Variants in POLA1 observed in about 807,000 individuals in gnomAD.
POLA1 encodes the protein DNA polymerase alpha 1, catalytic subunit, also known as DNA polymerase alpha catalytic subunit.
Under a neutral mutation model 124.0 loss-of-function variants are expected in POLA1, and 15 were observed. The observed-to-expected ratio is 0.12, with a 90% CI of 0.08 to 0.19. POLA1 has a LOEUF of 0.19. Ranked by LOEUF, POLA1 falls within the 10% of genes least tolerant of loss-of-function variation. The probability of loss-of-function intolerance (pLI) is 1.00; values close to 1 mark genes in which losing one functional copy is unlikely to be tolerated. For missense variants in POLA1, 886 were observed against 1,103.4 expected (o/e 0.80, Z 2.79); for synonymous variants, 408 against 389.4 (o/e 1.05, Z -0.56).
At chrX:24,933,187 A>G (rs1402047260) in intron 36 of POLA1, among the ~76,000 whole-genome samples, 1 of 112,070 alleles carries the variant, frequency 8.9e-6, no homozygotes, top group Non-Finnish European at 1.9e-5. Context: ...GTTTCTAAAT[A>G]AAAGACAATT....
chrX:24,969,002 T>C (rs946702376), intron 36 of POLA1, among the ~76,000 whole-genome samples: 1 of 109,962 alleles, frequency 9.1e-6, no homozygotes, highest in Non-Finnish European at 1.9e-5. Context: ...AGGTCAGGAG[T>C]TCTAGACCAG....
chrX:24,911,000 T>C (rs2047441150), intron 35 of POLA1, among the ~76,000 whole-genome samples: 1 of 112,156 alleles, frequency 8.9e-6, no homozygotes, highest in Admixed American at 9.5e-5. Flanking sequence ...TTAATGAATT[T>C]TAAAAAATTG....
intron 4 of POLA1, among the ~76,000 whole-genome samples, chrX:24,709,166 G>A (rs1343216857): frequency 5.3e-5 from 4 of 75,644 alleles, no homozygotes; most frequent in African/African-American, 1.5e-4. Context: ...CTCACCTCCC[G>A]GACGGGGCGG....
At chrX:24,796,381 G>A (rs2045605876) in intron 26 of POLA1, among the ~76,000 whole-genome samples, 1 of 111,475 alleles carries the variant, frequency 9.0e-6, no homozygotes, top group Non-Finnish European at 1.9e-5. Context: ...AGGTCACTGT[G>A]TGGTGCCTGA....
Position 24,704,373 on chromosome X carries a change from A to T in POLA1, c.266-16A>T, listed in dbSNP as rs1928657807. 3 of 1,160,927 alleles carry T rather than the reference A, an allele frequency of 2.6e-6. No homozygotes were observed. The East Asian group carries it at 8.9e-5, about 35-fold the overall frequency. On this transcript the variant is annotated splice_polypyrimidine_tract_variant and intron_variant, in intron 3 of 36. Coordinates refer to ENST00000379068, the MANE Select transcript of POLA1 (RefSeq NM_001330360.2). ...TTTTAGAAATTTGATCCCAGTATTA[A>T]ATTTTGTCCCTGCAGATGGTATTGG...
Position 24,902,004 on chromosome X carries a change from G to GCACACA in POLA1, c.4164+13898_4164+13903dup, listed in dbSNP as rs781587090. Among the ~76,000 whole-genome samples the GCACACA allele has an allele frequency of 1.4e-4, 15 of 104,982 alleles. No individual in the cohort carries two copies. In the East Asian group the frequency reaches 1.5e-3, roughly 10 times the overall value. 91.2% of individuals were successfully genotyped at this position (104,982 alleles called of 115,157 possible). ...AACCCCTCTGCGCGTGCATGTGCGT[G>GCACACA]CACACACACACACACACACACGCAC... On this transcript the variant is annotated intron_variant, in intron 35 of 36. Coordinates refer to ENST00000379068, the MANE Select transcript of POLA1 (RefSeq NM_001330360.2).
intron 36 of POLA1, among the ~76,000 whole-genome samples, chrX:24,951,809 A>G (rs999827516): frequency 8.1e-5 from 9 of 111,757 alleles, no homozygotes; most frequent in Admixed American, 1.9e-4. Flanking sequence ...TTTAATACCA[A>G]TCTTTCTCTG....
intron 36 of POLA1, among the ~76,000 whole-genome samples, chrX:24,992,558 G>A (rs1260819125): frequency 1.8e-5 from 2 of 112,595 alleles, no homozygotes; most frequent in African/African-American, 3.2e-5. Context: ...AGAGACGGCT[G>A]CTGCCTGTGT....
intron 34 of POLA1, among the ~76,000 whole-genome samples, chrX:24,864,012 C>T (rs1288843257): frequency 3.7e-5 from 4 of 108,878 alleles, no homozygotes; most frequent in Non-Finnish European, 7.6e-5. Context: ...GATGGAGTCT[C>T]GCTCTGTCAC....
intron 35 of POLA1, among the ~76,000 whole-genome samples, chrX:24,915,662 C>A (rs767219227): frequency 8.9e-6 from 1 of 112,057 alleles, no homozygotes; most frequent in South Asian, 3.8e-4. Context: ...TTTCCCATCC[C>A]TCTAAACTTT....
intron 34 of POLA1, among the ~76,000 whole-genome samples, chrX:24,851,612 C>T (rs1315597026): frequency 8.8e-6 from 1 of 113,253 alleles, no homozygotes; most frequent in Non-Finnish European, 1.9e-5. Flanking sequence ...GTTTCAGCGA[C>T]TTCTGTTATG....
At chrX:24,806,904 G>C (rs1464773745) in intron 26 of POLA1, among the ~76,000 whole-genome samples, 1 of 111,711 alleles carries the variant, frequency 9.0e-6, no homozygotes, top group East Asian at 2.8e-4. Context: ...CATTAGAAAA[G>C]AATAAGGCAG....
At chrX:24,746,811 A>T (rs983221055) in intron 24 of POLA1, among the ~76,000 whole-genome samples, 2 of 112,436 alleles carry the variant, frequency 1.8e-5, no homozygotes, top group African/African-American at 6.5e-5. Flanking sequence ...ATAAAATCAG[A>T]TGCTTTGTAA....
At chrX:24,978,362 T>G (rs777295964) in intron 36 of POLA1, among the ~76,000 whole-genome samples, 100 of 112,235 alleles carry the variant, frequency 8.9e-4, no homozygotes, top group African/African-American at 3.2e-3. Context: ...TTTGGTACAA[T>G]GTACCAGATG....
intron 26 of POLA1, among the ~76,000 whole-genome samples, chrX:24,800,576 C>T (rs891432116): frequency 2.7e-5 from 3 of 111,637 alleles, no homozygotes; most frequent in East Asian, 2.8e-4. Context: ...AGATATAACC[C>T]GAAGAATGGC....
intron 34 of POLA1, among the ~76,000 whole-genome samples, chrX:24,860,946 C>T (rs896620808): frequency 2.7e-5 from 3 of 111,779 alleles, no homozygotes; most frequent in Non-Finnish European, 5.6e-5. Flanking sequence ...CCCACCACCA[C>T]TCTCTCAGTG....
chrX:24,924,008 T>A (rs1301393481), intron 35 of POLA1, among the ~76,000 whole-genome samples: 1 of 112,171 alleles, frequency 8.9e-6, no homozygotes, highest in Non-Finnish European at 1.9e-5. Flanking sequence ...GGCATATCTT[T>A]AGTAAAATGC....
intron 35 of POLA1, among the ~76,000 whole-genome samples, chrX:24,912,532 A>T (rs1394592805): frequency 1.8e-5 from 2 of 111,932 alleles, no homozygotes; most frequent in Non-Finnish European, 1.9e-5. Context: ...AAGCAATCCA[A>T]TTTAAAAAAA....
At chrX:24,995,432 T>G (rs918602615) in intron 36 of POLA1, among the ~76,000 whole-genome samples, 1 of 111,900 alleles carries the variant, frequency 8.9e-6, no homozygotes, top group African/African-American at 3.3e-5. Flanking sequence ...ACTAGGTGTT[T>G]CCTGCCACGT....
Sources: gnomAD v4.1 joint callset for allele counts (sites outside exome capture counted in the v4.1 genomes callset) on GRCh38, gnomAD v4.1.1 for gene constraint, MANE v1.5 for transcripts, NCBI Gene and HGNC (gene_info 2026-07-23, HGNC 2026-07-21) for gene names.